CARM1: variants seen among roughly 807,000 people sequenced by gnomAD.
CARM1 encodes the protein coactivator associated arginine methyltransferase 1.
Under a neutral mutation model 72.7 loss-of-function variants are expected in CARM1, and 14 were observed. The ratio of observed to expected loss-of-function variants is 0.19; its 90% CI spans 0.13 to 0.30. CARM1 has a LOEUF of 0.30. CARM1 is among the 10% of genes least tolerant of loss of function. The pLI is 1.00. For missense variants in CARM1, 432 were observed against 833.7 expected (o/e 0.52, Z 5.93); for synonymous variants, 333 against 345.5 (o/e 0.96, Z 0.40).
At chr19:10,910,506 T>C (rs541847704) in intron 4 of CARM1, among the ~76,000 whole-genome samples, 2 of 151,886 alleles carry the variant, frequency 1.3e-5, no homozygotes, top group East Asian at 3.9e-4. Context: ...AAATGTATAA[T>C]GTATTCCCTT....
At chr19:10,890,162 G>A (rs1192290802) in intron 1 of CARM1, among the ~76,000 whole-genome samples, 1 of 152,092 alleles carries the variant, frequency 6.6e-6, no homozygotes, top group Non-Finnish European at 1.5e-5. Context: ...TGAGGCAGGT[G>A]GATTGCTTGA....
chr19:10,891,633 C>G (rs1304121429), intron 1 of CARM1, among the ~76,000 whole-genome samples: 1 of 152,230 alleles, frequency 6.6e-6, no homozygotes, highest in African/African-American at 2.4e-5. Context: ...GGTCCCCAGT[C>G]CGGCCTGCCC....
At chr19:10,919,341 A>C (rs1412419549) in intron 8 of CARM1, 1 of 483,568 alleles carries the variant, frequency 2.1e-6, no homozygotes, top group African/African-American at 1.9e-5. Context: ...TGATGTGTTC[A>C]TGTATCTGGA....
In CARM1 at chr19:10,916,834, G is replaced by GCACAGCAA; in HGVS notation, c.1020+57_1020+58insCACAGCAA. 4 of 1,308,674 alleles carry GCACAGCAA rather than the reference G, an allele frequency of 3.1e-6. No homozygotes were observed. The highest frequency in any genetic ancestry group is 1.5e-5 in the African/African-American group (1 of 68,658). 81.1% of individuals were successfully genotyped at this position (1,308,674 alleles called of 1,614,324 possible). ...GATCACTTGCCATTGCTGTGCAGCT[G>GCACAGCAA]TGCAGCCCTCAGGAAGCTACAGCCC... is the stretch of plus-strand genomic sequence containing the variant. On this transcript the variant is annotated intron_variant, in intron 8 of 15. Transcript: ENST00000327064. This position sits in a 1 kb window ranked among gnomAD's most constrained non-coding sequence, Gnocchi z 4.4.
chr19:10,897,488 C>A (rs1005506602), intron 1 of CARM1, among the ~76,000 whole-genome samples: 3 of 152,162 alleles, frequency 2.0e-5, no homozygotes, highest in Admixed American at 2.0e-4. Context: ...TTTTCTACCC[C>A]CTTCCCTGCA....
chr19:10,909,190 A>G lies in CARM1; in HGVS notation c.541A>G (p.Thr181Ala). Residue 181 changes from threonine to alanine, a missense_variant, in exon 4 of 16, where the codon ACC (threonine) becomes GCC (alanine). Physicochemically the swap from Thr to Ala is moderately conservative, Grantham distance 58. Coordinates refer to ENST00000327064, the MANE Select transcript of CARM1 (RefSeq NM_199141.2). ...TYQRAILQNH[T>A]DFKDKIVLDV... ...CCAGCGCGCCATCCTGCAAAACCACACCGACTTCAAGGACAAGGTGAGTGG... is the reference window on the plus strand; with the variant it reads ...CCAGCGCGCCATCCTGCAAAACCACGCCGACTTCAAGGACAAGGTGAGTGG... The G allele has an allele frequency of 1.2e-6, 2 of 1,611,914 alleles. No individual in the cohort carries two copies. The highest frequency in any genetic ancestry group is 1.7e-6 in the Non-Finnish European group (2 of 1,179,040).
chr19:10,872,725 C>G (rs1399728227), intron 1 of CARM1, among the ~76,000 whole-genome samples: 1 of 152,034 alleles, frequency 6.6e-6, no homozygotes. Context: ...CCAGCACCCC[C>G]CACCCCCGCT....
Position 10,880,664 on chromosome 19 carries a change from G to T in CARM1, c.220+8742G>T, listed in dbSNP as rs1303132255. On this transcript the variant is annotated intron_variant, in intron 1 of 15. Transcript: ENST00000327064. Reference sequence around the variant, plus strand: ...CATGGCAGCCACGGCTCCAGAGCTCGGGTTCTTAATCTGGTCTGTGGATGG... The same window carrying T: ...CATGGCAGCCACGGCTCCAGAGCTCTGGTTCTTAATCTGGTCTGTGGATGG... Among the ~76,000 whole-genome samples, 4 of 152,246 alleles carry T rather than the reference G, an allele frequency of 2.6e-5. No homozygotes were observed. In the East Asian group the frequency reaches 7.7e-4, roughly 29 times the overall value.
chr19:10,874,616 T>A (rs1467459557), intron 1 of CARM1, among the ~76,000 whole-genome samples: 2 of 152,108 alleles, frequency 1.3e-5, no homozygotes, highest in African/African-American at 4.8e-5. Flanking sequence ...GGTCTCAAAC[T>A]CCTGGGCTCA....
rs1378881783 is a variant in CARM1 at position 10,890,798 on chromosome 19, T to A, written c.221-14153T>A. Among the ~76,000 whole-genome samples the A allele has an allele frequency of 3.9e-3, 473 of 121,040 alleles. 2 individuals are homozygous for A. The highest frequency in any genetic ancestry group is 0.015 in the East Asian group (63 of 4,192). 79.4% of individuals were successfully genotyped at this position (121,040 alleles called of 152,430 possible). A position where few individuals can be genotyped will look rare whatever the true frequency, so the allele number is the denominator to read the frequency against. On this transcript the variant is annotated intron_variant, in intron 1 of 15. Transcript: ENST00000327064. Reference sequence around the variant, plus strand: ...ACATATATATATATATATATATATTTTTTTTTTTTTTTTTTTTTTTTTCTT... The same window carrying A: ...ACATATATATATATATATATATATTATTTTTTTTTTTTTTTTTTTTTTCTT...
At chr19:10,902,290 C>CT (rs869120010) in intron 1 of CARM1, among the ~76,000 whole-genome samples, 8,054 of 114,676 alleles carry the variant, frequency 0.07, 569 homozygotes, top group East Asian at 0.31. Flanking sequence ...ATTGTTGTTT[C>CT]TTTTTTTTTT....
In CARM1 at chr19:10,912,181, C is replaced by T. The variant is rs377457095; in HGVS notation, c.559-3C>T. On this transcript the variant is annotated splice_polypyrimidine_tract_variant and splice_region_variant and intron_variant, in intron 4 of 15. Transcript: ENST00000327064. This position sits in a 1 kb window ranked among gnomAD's most constrained non-coding sequence, Gnocchi z 4.5. The stretch of plus-strand genomic sequence containing the variant: ...TCGCTCTCACCTCCCACTCCTCCCT[C>T]AGATCGTTCTTGATGTTGGCTGTGG... 5.8e-5 allele frequency: 93 copies of T among 1,613,132 alleles called. No individual in the cohort carries two copies. In the African/African-American group the frequency reaches 1.1e-3, roughly 19 times the overall value.
chr19:10,888,633 C>G (rs2073958839), intron 1 of CARM1, among the ~76,000 whole-genome samples: 1 of 152,076 alleles, frequency 6.6e-6, no homozygotes, highest in South Asian at 2.1e-4. Context: ...CTTTGCACCG[C>G]GCCCCCACCC....
intron 1 of CARM1, among the ~76,000 whole-genome samples, chr19:10,884,894 G>A (rs1203884202): frequency 2.0e-5 from 3 of 152,072 alleles, no homozygotes; most frequent in Non-Finnish European, 4.4e-5. Flanking sequence ...TAGTAGAGAC[G>A]GGGTTTCACC....
chr19:10,909,236 T>C, intron 4 of CARM1, 29 bp downstream of exon 4: 1 of 1,371,446 alleles, frequency 7.3e-7, no homozygotes, highest in Non-Finnish European at 1.0e-6. Flanking sequence ...TGCCCACCTC[T>C]CTGCTTCTGT....
In CARM1 at chr19:10,912,383, G is replaced by C; in HGVS notation, c.669+89G>C. 1.1e-6 allele frequency: 1 copy of C among 921,194 alleles called. No individual in the cohort carries two copies. Among genetic ancestry groups the C allele is most frequent in the Non-Finnish European group, 1.8e-6 (1 of 563,802 alleles). 57.1% of individuals were successfully genotyped at this position (921,194 alleles called of 1,614,324 possible). ...CCTAGAGAAGCTTGGGAACCCCCAG[G>C]GGCCTGGGGACATTACTTCTGTGCT... On this transcript the variant is annotated intron_variant, in intron 5 of 15. Transcript: ENST00000327064. The surrounding 1 kb of genome is among the most constrained non-coding windows in gnomAD (Gnocchi z 4.5).
rs375361276 is a variant in CARM1, at chr19:10,875,494, C to G, written c.220+3572C>G. On this transcript the variant is annotated intron_variant, in intron 1 of 15. Transcript: ENST00000327064. ...GGCTGAAGTGCAATTGCGCGATCTCCGCTTACTGCAAGCTCTGCCTCCTGG... is the reference window on the plus strand; with the variant it reads ...GGCTGAAGTGCAATTGCGCGATCTCGGCTTACTGCAAGCTCTGCCTCCTGG... Among the ~76,000 whole-genome samples, 127 of 152,072 alleles carry G rather than the reference C, an allele frequency of 8.4e-4. 2 individuals carry two copies. In the South Asian group the frequency reaches 0.024, roughly 29 times the overall value.
chr19:10,885,731 G>T (rs1040873993), intron 1 of CARM1, among the ~76,000 whole-genome samples: 4 of 152,062 alleles, frequency 2.6e-5, no homozygotes, highest in Admixed American at 1.3e-4. Flanking sequence ...GTGCCCTTGA[G>T]GGACCCTCTG....
chr19:10,895,700 C>T (rs2074019324), intron 1 of CARM1, among the ~76,000 whole-genome samples: 2 of 152,208 alleles, frequency 1.3e-5, no homozygotes, highest in Non-Finnish European at 2.9e-5. Flanking sequence ...GCTGCCCCTG[C>T]CCCTATCCCG....
Sources: gnomAD v4.1 joint callset for allele counts (sites outside exome capture counted in the v4.1 genomes callset) on GRCh38, gnomAD v4.1.1 for gene constraint, Gnocchi (gnomAD v3.1) non-coding constraint, MANE v1.5 for transcripts, NCBI Gene and HGNC (gene_info 2026-07-23, HGNC 2026-07-21) for gene names.